Variants in LRBA observed in about 807,000 individuals in gnomAD.
LRBA encodes the protein lipopolysaccharide-responsive and beige-like anchor protein.
A neutral mutation model predicts 330.0 loss-of-function variants in LRBA; 176 were observed. The ratio of observed to expected loss-of-function variants is 0.53; its 90% CI spans 0.47 to 0.60. The LOEUF (loss-of-function observed/expected upper bound fraction) is 0.60. Among genes scored for constraint, LRBA ranks in the 20% least tolerant of loss-of-function variants. The pLI, the probability that LRBA is intolerant of heterozygous loss-of-function variation, is 0.00. For missense variants in LRBA, 3,259 were observed against 3,444.8 expected (o/e 0.95, Z 1.35); for synonymous variants, 1,230 against 1,193.0 (o/e 1.03, Z -0.64).
At chr4:150,331,290 A>C (rs1733962421) in intron 48 of LRBA, among the ~76,000 whole-genome samples, 1 of 152,252 alleles carries the variant, frequency 6.6e-6, no homozygotes, top group African/African-American at 2.4e-5. Flanking sequence ...AACAGGAAAC[A>C]TACAAGCATC....
intron 36 of LRBA, among the ~76,000 whole-genome samples, chr4:150,718,664 C>T (rs1341780303): frequency 6.6e-6 from 1 of 152,030 alleles, no homozygotes; most frequent in African/African-American, 2.4e-5. Context: ...TTTTAAGTAA[C>T]AACAATATTT....
At chr4:150,473,250 G>A (rs1266560648) in intron 42 of LRBA, among the ~76,000 whole-genome samples, 3 of 151,908 alleles carry the variant, frequency 2.0e-5, no homozygotes, top group African/African-American at 7.3e-5. Flanking sequence ...TATCTTCTTC[G>A]GTGAAATGAC....
chr4:150,567,672 T>G (rs1040237535), intron 40 of LRBA, among the ~76,000 whole-genome samples: 2 of 152,154 alleles, frequency 1.3e-5, no homozygotes, highest in African/African-American at 2.4e-5. Flanking sequence ...GAATAAGAGT[T>G]CAATAAAGTG....
intron 28 of LRBA, among the ~76,000 whole-genome samples, chr4:150,836,262 C>CT (rs1748055193): frequency 2.6e-5 from 4 of 152,178 alleles, no homozygotes; most frequent in African/African-American, 9.6e-5. Context: ...CTAAAATTCT[C>CT]TTTTTTTGTT....
intron 2 of LRBA, among the ~76,000 whole-genome samples, chr4:150,937,987 C>G (rs1735262387): frequency 6.6e-6 from 1 of 151,244 alleles, no homozygotes; most frequent in Admixed American, 6.6e-5. Context: ...AATTCAAATA[C>G]TTCAAAGTAA....
At position 150,948,453 on chromosome 4, in the gene LRBA, C is replaced by T. The variant is rs112553057; in HGVS notation, c.217-19388G>A. 5.1e-3 allele frequency among the ~76,000 whole-genome samples: 774 copies of T among 152,064 alleles called. 9 individuals carry two copies. Among genetic ancestry groups the T allele is most frequent in the African/African-American group, 0.018 (743 of 41,534 alleles). The stretch of plus-strand genomic sequence containing the variant: ...TTCTTTACCTAAGTATTACACCTTA[C>T]ACAAAAACTAACTCAATATTGATCA... On this transcript the variant is annotated intron_variant, in intron 2 of 56. Coordinates refer to ENST00000651943, the MANE Select transcript of LRBA (RefSeq NM_001364905.1).
At chr4:150,507,152 C>G (rs1013330802) in intron 40 of LRBA, among the ~76,000 whole-genome samples, 20 of 151,270 alleles carry the variant, frequency 1.3e-4, no homozygotes, top group Non-Finnish European at 3.0e-4. Context: ...GCCATACTGC[C>G]CAAGGTAATT....
chr4:150,827,994 T>C (rs1746522836), intron 30 of LRBA, among the ~76,000 whole-genome samples, 186 bp downstream of exon 30: 1 of 152,176 alleles, frequency 6.6e-6, no homozygotes, highest in Non-Finnish European at 1.5e-5. Context: ...TCAAAATATG[T>C]GTGAATCAAC....
chr4:150,324,552 G>A (rs1490754592), intron 49 of LRBA, among the ~76,000 whole-genome samples: 1 of 150,412 alleles, frequency 6.6e-6, no homozygotes, highest in Non-Finnish European at 1.5e-5. Context: ...GAAAGAAAAT[G>A]ACAAAGAGCA....
chr4:150,702,958 G>A (rs538298416), intron 36 of LRBA, among the ~76,000 whole-genome samples: 4 of 152,132 alleles, frequency 2.6e-5, no homozygotes, highest in Non-Finnish European at 5.9e-5. Context: ...TCACAAGTTC[G>A]AGACCAGGCT....
chr4:150,506,730 C>A (rs1296371170), intron 40 of LRBA, among the ~76,000 whole-genome samples: 9 of 152,144 alleles, frequency 5.9e-5, no homozygotes, highest in African/African-American at 2.2e-4. Context: ...CTGGCCAGGG[C>A]AATCCGTCAG....
At chr4:150,838,628 G>A (rs1260178788) in intron 28 of LRBA, among the ~76,000 whole-genome samples, 1 of 152,156 alleles carries the variant, frequency 6.6e-6, no homozygotes. Context: ...TTGTGCCATG[G>A]TTTTCAGCTC....
intron 34 of LRBA, among the ~76,000 whole-genome samples, chr4:150,789,805 A>G (rs1187502747): frequency 6.6e-6 from 1 of 152,228 alleles, no homozygotes; most frequent in Non-Finnish European, 1.5e-5. Flanking sequence ...AGTACTAAGT[A>G]AAAGCAAGCA....
chr4:150,768,353 C>T (rs765499841), intron 34 of LRBA, among the ~76,000 whole-genome samples: 3 of 151,982 alleles, frequency 2.0e-5, no homozygotes, highest in Admixed American at 6.6e-5. Context: ...TGAGTACATA[C>T]GAAGGTGGCT....
chr4:151,003,073 TACCA>T lies in LRBA; in HGVS notation c.216+11350_216+11353del, dbSNP rs1352991715. ...GTGTGTGTGTGTGTGTGTGTGTGTGTACCAACATCATTTTTCACAGAAATAGAAA... is the reference window on the plus strand; with the variant it reads ...GTGTGTGTGTGTGTGTGTGTGTGTGTACATCATTTTTCACAGAAATAGAAA... On this transcript the variant is annotated intron_variant, in intron 2 of 56. Transcript: ENST00000651943. Among the ~76,000 whole-genome samples, 1,007 of 142,774 alleles carry T rather than the reference TACCA, an allele frequency of 7.1e-3. 13 individuals are homozygous for T. The highest frequency in any genetic ancestry group is 0.024 in the African/African-American group (957 of 39,758). The allele number at this position is 142,774 out of a possible 152,430, so 93.7% of individuals were successfully genotyped here.
At chr4:150,560,031 A>C (rs961494329) in intron 40 of LRBA, among the ~76,000 whole-genome samples, 1 of 140,232 alleles carries the variant, frequency 7.1e-6, no homozygotes, top group South Asian at 2.1e-4. Flanking sequence ...ATGGCAGGTT[A>C]AAGTATTATC....
chr4:150,798,527 A>T (rs1741127835), intron 33 of LRBA, among the ~76,000 whole-genome samples: 1 of 151,252 alleles, frequency 6.6e-6, no homozygotes, highest in African/African-American at 2.4e-5. Flanking sequence ...TCTCCACTAC[A>T]CTCTCTCCCT....
At chr4:150,376,547 A>G (rs1342581324) in intron 47 of LRBA, among the ~76,000 whole-genome samples, 6 of 152,228 alleles carry the variant, frequency 3.9e-5, no homozygotes. Flanking sequence ...GAAAATATGT[A>G]CTAAACCATG....
upstream of LRBA, chr4:151,015,440 G>T: frequency 6.5e-6 from 1 of 153,334 alleles, no homozygotes. Context: ...GGCCACCGCA[G>T]GGAGAGAAGG....
Sources: allele counts gnomAD v4.1 joint callset (sites outside exome capture counted in the v4.1 genomes callset), GRCh38; gene constraint gnomAD v4.1.1; transcripts MANE v1.5; gene names NCBI Gene and HGNC (gene_info 2026-07-23, HGNC 2026-07-21).